PPP4R4: variants seen among roughly 807,000 people sequenced by gnomAD.
The protein encoded by PPP4R4 is protein phosphatase 4 regulatory subunit 4, also known as serine/threonine-protein phosphatase 4 regulatory subunit 4.
In PPP4R4, 70 loss-of-function variants were observed where a neutral mutation model predicts 121.8. The observed-to-expected ratio is 0.57, with a 90% CI of 0.47 to 0.70. The LOEUF (loss-of-function observed/expected upper bound fraction) is 0.70, where lower values mean the gene tolerates loss of function less well. PPP4R4 is among the 30% of genes least tolerant of loss of function. PPP4R4 has a pLI of 0.00. For missense variants in PPP4R4, 875 were observed against 1,033.6 expected, an observed-to-expected ratio of 0.85 and a Z score of 2.10; for synonymous variants, 348 against 355.7, an observed-to-expected ratio of 0.98 and a Z score of 0.24.
chr14:94,201,146 T>C (rs1403336702), intron 2 of PPP4R4, among the ~76,000 whole-genome samples: 1 of 152,228 alleles, frequency 6.6e-6, no homozygotes, highest in Non-Finnish European at 1.5e-5. Context: ...AGGGTTCCTT[T>C]TGGAGTTGAT....
At chr14:94,252,395 T>C (rs1395936593) in intron 16 of PPP4R4, among the ~76,000 whole-genome samples, 1 of 152,188 alleles carries the variant, frequency 6.6e-6, no homozygotes, top group African/African-American at 2.4e-5. Flanking sequence ...TTTGATTAAC[T>C]GTTAAGTTGG....
Position 94,231,255 on chromosome 14 carries a change from A to G in PPP4R4, c.456A>G (p.Ala152=), listed in dbSNP as rs1029770559. The change falls in exon 5 of 25, where the codon GCA becomes GCG. Residue 152 remains alanine (A), a synonymous_variant. Coordinates refer to ENST00000304338, the MANE Select transcript of PPP4R4 (RefSeq NM_058237.2). ...TCTGTCAACCAGGTGTCAGCAATGC[A>G]TGGCTGGAAACTCTTCTGTCTGTTA... ...LEHRDTGVSN[A]WLETLLSVIE... The G allele has an allele frequency of 1.2e-6, 2 of 1,612,028 alleles. No homozygotes were observed. The highest frequency in any genetic ancestry group is 1.1e-5 in the South Asian group (1 of 90,898).
At chr14:94,244,603 C>A in intron 11 of PPP4R4, 32 bp from the exon 12 acceptor site, 1 of 1,437,092 alleles carries the variant, frequency 7.0e-7, no homozygotes, top group South Asian at 1.3e-5. Flanking sequence ...CTAGTACTCT[C>A]AAATCTGAGA....
At chr14:94,261,459 T>A (rs975796732) in intron 19 of PPP4R4, among the ~76,000 whole-genome samples, 1 of 152,094 alleles carries the variant, frequency 6.6e-6, no homozygotes, top group African/African-American at 2.4e-5. Context: ...TTCTAAAAAT[T>A]GTTTTTTAGA....
chr14:94,200,136 A>G (rs990262988), intron 2 of PPP4R4, among the ~76,000 whole-genome samples: 15 of 152,156 alleles, frequency 9.9e-5, no homozygotes, highest in African/African-American at 3.4e-4. Context: ...ATTATAATTT[A>G]TATTTCTTTT....
chr14:94,269,013 T>C lies in PPP4R4; in HGVS notation c.2449+1984T>C, dbSNP rs182375767. ...ACTGTAGGTTGAATGAAATATCTCCTAGAGTTCTTGGTTAGAAAAAGGTGC... is the reference window on the plus strand; with the variant it reads ...ACTGTAGGTTGAATGAAATATCTCCCAGAGTTCTTGGTTAGAAAAAGGTGC... On this transcript the variant is annotated intron_variant, in intron 23 of 24. Coordinates refer to ENST00000304338, the MANE Select transcript of PPP4R4 (RefSeq NM_058237.2). 3.3e-5 allele frequency among the ~76,000 whole-genome samples: 5 copies of C among 152,348 alleles called. No individual in the cohort carries two copies. The East Asian group carries it at 9.6e-4, about 29-fold the overall frequency.
chr14:94,227,892 T>C (rs1891804074), intron 3 of PPP4R4: 1 of 982,686 alleles, frequency 1.0e-6, no homozygotes. Context: ...TTAAAAGTGT[T>C]TTCCAAACCC....
In PPP4R4 at chr14:94,278,666, C is replaced by T; in HGVS notation, c.*23C>T. The T allele has an allele frequency of 6.4e-7, 1 of 1,555,462 alleles. No individual in the cohort carries two copies. On this transcript the variant is annotated 3_prime_UTR_variant, in exon 25 of 25. Transcript: ENST00000304338. ...TAAATCAACTGCTTGATGAAGGAGG[C>T]AAAACAAAGGCAGCAGGAGATAATG...
intron 23 of PPP4R4, among the ~76,000 whole-genome samples, chr14:94,267,579 C>A (rs557125357): frequency 6.6e-6 from 1 of 152,232 alleles, no homozygotes; most frequent in South Asian, 2.1e-4. Flanking sequence ...CAAAAACAGG[C>A]AGTGGATTGA....
intron 2 of PPP4R4, among the ~76,000 whole-genome samples, chr14:94,178,205 T>C (rs1888782751): frequency 6.6e-6 from 1 of 152,210 alleles, no homozygotes. Context: ...TTGAGCCTGC[T>C]ATTGTAGATG....
intron 4 of PPP4R4, 74 bp downstream of exon 4, chr14:94,230,808 A>T: frequency 6.9e-7 from 1 of 1,447,996 alleles, no homozygotes; most frequent in Non-Finnish European, 9.4e-7. Flanking sequence ...TTATATAAAT[A>T]CTGTTAGCCT....
intron 3 of PPP4R4, among the ~76,000 whole-genome samples, chr14:94,215,002 C>T (rs1890947998): frequency 6.6e-6 from 1 of 152,148 alleles, no homozygotes; most frequent in Non-Finnish European, 1.5e-5. Flanking sequence ...TGGGTCCTAT[C>T]CCCAAGGTAT....
At chr14:94,217,616 A>T (rs1443199162) in intron 3 of PPP4R4, among the ~76,000 whole-genome samples, 2 of 149,914 alleles carry the variant, frequency 1.3e-5, no homozygotes, top group Admixed American at 1.3e-4. Flanking sequence ...TTTATATGGT[A>T]AAAAAAAATC....
At chr14:94,227,327 C>A (rs771765914) in intron 3 of PPP4R4, 15 of 1,612,646 alleles carry the variant, frequency 9.3e-6, no homozygotes, top group East Asian at 8.9e-5. Flanking sequence ...GAGTATGGAT[C>A]TCACATATGT....
intron 2 of PPP4R4, among the ~76,000 whole-genome samples, chr14:94,206,489 G>A (rs887686372): frequency 2.0e-5 from 3 of 151,832 alleles, no homozygotes; most frequent in Admixed American, 2.0e-4. Flanking sequence ...AGGCTAAAGT[G>A]TATCATTTTA....
rs148895071 is a variant in PPP4R4, at chr14:94,254,262, A to G, written c.1866-2198A>G. On this transcript the variant is annotated intron_variant, in intron 16 of 24. Coordinates refer to ENST00000304338, the MANE Select transcript of PPP4R4 (RefSeq NM_058237.2). ...TTGGGTTATAAAGAATGGAGTGTGCATAGATTGTTAAGTGTTTTTGTTTTT... is the reference window on the plus strand; with the variant it reads ...TTGGGTTATAAAGAATGGAGTGTGCGTAGATTGTTAAGTGTTTTTGTTTTT... Among the ~76,000 whole-genome samples, 123 of 152,288 alleles carry G rather than the reference A, an allele frequency of 8.1e-4. 1 individual carries two copies. In the East Asian group the frequency reaches 0.022, roughly 27 times the overall value.
chr14:94,277,254 T>C (rs920253889), intron 24 of PPP4R4, among the ~76,000 whole-genome samples: 6 of 152,164 alleles, frequency 3.9e-5, no homozygotes, highest in Non-Finnish European at 7.3e-5. Context: ...TGAGCTGAGA[T>C]TGCGCCACTG....
intron 23 of PPP4R4, among the ~76,000 whole-genome samples, chr14:94,274,112 G>T (rs116239571): frequency 2.0e-5 from 3 of 151,906 alleles, no homozygotes; most frequent in East Asian, 3.9e-4. Flanking sequence ...CTGACTTTCC[G>T]TTCCTGTGAA....
chr14:94,279,474 T>C lies in PPP4R4; in HGVS notation c.*831T>C, dbSNP rs191309891. The stretch of plus-strand genomic sequence containing the variant: ...CTAATGCTAATATTTCCATCAAAAT[T>C]TGCCTGTGGAATATATACAGTTCTT... On this transcript the variant is annotated 3_prime_UTR_variant, in exon 25 of 25. Transcript: ENST00000304338. The C allele has an allele frequency of 6.5e-6, 1 of 152,764 alleles. No homozygotes were observed. The highest frequency in any genetic ancestry group is 1.5e-5 in the Non-Finnish European group (1 of 68,024). 9.5% of individuals were successfully genotyped at this position (152,764 alleles called of 1,614,324 possible).
Sources: gnomAD v4.1 joint callset for allele counts (sites outside exome capture counted in the v4.1 genomes callset) on GRCh38, gnomAD v4.1.1 for gene constraint, MANE v1.5 for transcripts, NCBI Gene and HGNC (gene_info 2026-07-23, HGNC 2026-07-21) for gene names.